Variants in LRRC7 observed in about 807,000 individuals in gnomAD.
The protein encoded by LRRC7 is leucine rich repeat containing 7.
Under a neutral mutation model 175.7 loss-of-function variants are expected in LRRC7, and 23 were observed. The ratio of observed to expected loss-of-function variants is 0.13; its 90% CI spans 0.09 to 0.19. The LOEUF is 0.19. Ranked by LOEUF, LRRC7 falls within the 10% of genes least tolerant of loss-of-function variation. The pLI is 1.00. For synonymous variants in LRRC7, 685 were observed against 680.9 expected (o/e 1.01, Z -0.09); for missense variants, 1,354 against 1,904.7 (o/e 0.71, Z 5.38).
chr1:69,667,072 TC>T (rs1356664843), intron 1 of LRRC7, among the ~76,000 whole-genome samples: 6 of 152,192 alleles, frequency 3.9e-5, no homozygotes, highest in Admixed American at 2.6e-4. Context: ...CACTGGTTAT[TC>T]AGGAGCATAT....
At chr1:69,919,978 C>A in intron 7 of LRRC7, 1 of 529,032 alleles carries the variant, frequency 1.9e-6, no homozygotes, top group Non-Finnish European at 3.4e-6. Context: ...AGACTGGGGG[C>A]CCTTCCAGAC....
intron 23 of LRRC7, among the ~76,000 whole-genome samples, chr1:70,054,653 G>A (rs544490841): frequency 1.1e-4 from 14 of 132,810 alleles, no homozygotes; most frequent in Admixed American, 3.2e-4. Flanking sequence ...GCGCAGTGGC[G>A]CGATCTCTGC....
intron 7 of LRRC7, among the ~76,000 whole-genome samples, chr1:69,897,622 A>G (rs1454377931): frequency 6.6e-6 from 1 of 152,236 alleles, no homozygotes; most frequent in Admixed American, 6.5e-5. Flanking sequence ...AATGCTTCAT[A>G]GAATCAATTT....
chr1:69,825,290 A>T (rs975695564), intron 4 of LRRC7, among the ~76,000 whole-genome samples: 5 of 152,200 alleles, frequency 3.3e-5, no homozygotes, highest in African/African-American at 1.2e-4. Flanking sequence ...GTGTATTCCT[A>T]AGTATTTTTC....
At chr1:69,991,863 C>T (rs1654471480) in intron 10 of LRRC7, among the ~76,000 whole-genome samples, 1 of 152,042 alleles carries the variant, frequency 6.6e-6, no homozygotes, top group Non-Finnish European at 1.5e-5. Context: ...GTGCTGGTTC[C>T]AGGGCAAATG....
intron 7 of LRRC7, among the ~76,000 whole-genome samples, chr1:69,904,748 G>T (rs1646244205): frequency 6.6e-6 from 1 of 152,010 alleles, no homozygotes; most frequent in Admixed American, 6.6e-5. Flanking sequence ...ACAGGGGTTT[G>T]ATGTACAGAT....
chr1:70,065,880 A>G (rs1415128443), intron 23 of LRRC7, among the ~76,000 whole-genome samples: 3 of 151,990 alleles, frequency 2.0e-5, no homozygotes, highest in Non-Finnish European at 4.4e-5. Flanking sequence ...CTTGCAAGGT[A>G]CAACCACTCT....
In LRRC7 at chr1:69,722,812, G is replaced by A. The variant is rs758988507; in HGVS notation, c.101-37379G>A. On this transcript the variant is annotated intron_variant, in intron 2 of 26. Transcript: ENST00000651989. Reference sequence around the variant, plus strand: ...TTTTTATTGTTGGTTTTTTCTTATCGCTTTGTAACTACTCTTTGTATGCAA... The same window carrying A: ...TTTTTATTGTTGGTTTTTTCTTATCACTTTGTAACTACTCTTTGTATGCAA... 7.3e-5 allele frequency among the ~76,000 whole-genome samples: 11 copies of A among 151,428 alleles called. No individual in the cohort carries two copies. The South Asian group carries it at 1.0e-3, about 14-fold the overall frequency.
At chr1:69,618,906 A>G (rs1650102026) in intron 1 of LRRC7, among the ~76,000 whole-genome samples, 1 of 152,168 alleles carries the variant, frequency 6.6e-6, no homozygotes, top group Admixed American at 6.6e-5. Context: ...CTGTGTTCCA[A>G]ACACTTAGTA....
chr1:69,626,169 T>C (rs184561505), intron 1 of LRRC7, among the ~76,000 whole-genome samples: 82 of 152,326 alleles, frequency 5.4e-4, no homozygotes, highest in African/African-American at 1.9e-3. Flanking sequence ...GATTCATTCT[T>C]ATTTCTAGGG....
At chr1:69,726,350 C>T (rs947696976) in intron 2 of LRRC7, among the ~76,000 whole-genome samples, 5 of 152,178 alleles carry the variant, frequency 3.3e-5, no homozygotes, top group South Asian at 2.1e-4. Context: ...CCATAATAAA[C>T]CTCTATAGAG....
At chr1:69,668,324 T>C (rs1180500003) in intron 1 of LRRC7, among the ~76,000 whole-genome samples, 1 of 151,926 alleles carries the variant, frequency 6.6e-6, no homozygotes, top group Non-Finnish European at 1.5e-5. Context: ...GGCCGCAGTG[T>C]GTGATGTTCC....
In LRRC7 at chr1:69,884,788, C is replaced by T. The variant is rs1239894030; in HGVS notation, c.647+46505C>T. ...AGCTCTTATTATTTTGAAATACGTC[C>T]CATCAATACCTAATTTATTGAGAAT... On this transcript the variant is annotated intron_variant, in intron 7 of 26. Transcript: ENST00000651989. Among the ~76,000 whole-genome samples the T allele has an allele frequency of 3.7e-3, 543 of 145,860 alleles. 3 individuals carry two copies. The highest frequency in any genetic ancestry group is 0.014 in the African/African-American group (512 of 37,426).
At chr1:70,058,273 G>A (rs138243569) in intron 23 of LRRC7, among the ~76,000 whole-genome samples, 187 of 152,272 alleles carry the variant, frequency 1.2e-3, no homozygotes, top group African/African-American at 4.2e-3. Flanking sequence ...GCTTCCCAAA[G>A]TGCTGGGATT....
Position 69,568,505 on chromosome 1 carries a change from A to T in LRRC7, c.-135A>T. On this transcript the variant is annotated 5_prime_UTR_variant, in exon 1 of 27. Transcript: ENST00000651989. ...CTATCTCCTGTTCTTCCTACCTTCT[A>T]CTCCTTCCCTCCTCTTCTCCTCCGA... 1 of 650,610 alleles carries T rather than the reference A, an allele frequency of 1.5e-6. No individual in the cohort carries two copies. The highest frequency in any genetic ancestry group is 2.3e-6 in the Non-Finnish European group (1 of 432,110). 40.3% of individuals were successfully genotyped at this position (650,610 alleles called of 1,614,324 possible).
At chr1:69,617,992 A>G (rs1649954594) in intron 1 of LRRC7, among the ~76,000 whole-genome samples, 1 of 152,142 alleles carries the variant, frequency 6.6e-6, no homozygotes, top group Non-Finnish European at 1.5e-5. Flanking sequence ...TAGAGAAATA[A>G]TGGAAGACAC....
At chr1:70,081,622 C>G (rs1282410491) in intron 24 of LRRC7, among the ~76,000 whole-genome samples, 2 of 152,112 alleles carry the variant, frequency 1.3e-5, no homozygotes, top group Non-Finnish European at 2.9e-5. Context: ...CGTCACATGT[C>G]AAGAGTAAAT....
rs978828699 is a variant in LRRC7, at chr1:69,861,860, G to A, written c.647+23577G>A. On this transcript the variant is annotated intron_variant, in intron 7 of 26. Coordinates refer to ENST00000651989, the MANE Select transcript of LRRC7 (RefSeq NM_001370785.2). ...CAGGTGTTCTTGCAGTTCAAACAGA[G>A]ACAAGTGCCTGTCAGGCCCTACCCA... Among the ~76,000 whole-genome samples the A allele has an allele frequency of 3.9e-5, 6 of 152,302 alleles. No individual in the cohort carries two copies. The East Asian group carries it at 1.2e-3, about 29-fold the overall frequency.
At chr1:69,718,166 AAG>A (rs776366054) in intron 2 of LRRC7, among the ~76,000 whole-genome samples, 1 of 150,778 alleles carries the variant, frequency 6.6e-6, no homozygotes, top group Admixed American at 6.6e-5. Context: ...GAAAGAAAGA[AAG>A]AAAGAAGAAA....
Sources: allele counts gnomAD v4.1 joint callset (sites outside exome capture counted in the v4.1 genomes callset), GRCh38; gene constraint gnomAD v4.1.1; transcripts MANE v1.5; gene names NCBI Gene and HGNC (gene_info 2026-07-23, HGNC 2026-07-21).